MECOM: variants seen among roughly 807,000 people sequenced by gnomAD.
The protein encoded by MECOM is MDS1 and EVI1 complex locus, also known as histone-lysine N-methyltransferase MECOM.
A neutral mutation model predicts 116.3 loss-of-function variants in MECOM; 13 were observed. The observed-to-expected ratio is 0.11, with a 90% CI of 0.07 to 0.18. The LOEUF (loss-of-function observed/expected upper bound fraction) is 0.18, where lower values mean the gene tolerates loss of function less well. MECOM is among the 10% of genes least tolerant of loss of function. The pLI, the probability that MECOM is intolerant of heterozygous loss-of-function variation, is 1.00. For synonymous variants in MECOM, 528 were observed against 535.2 expected, an observed-to-expected ratio of 0.99 and a Z score of 0.19; for missense variants, 1,299 against 1,509.0, an observed-to-expected ratio of 0.86 and a Z score of 2.31.
chr3:169,591,519 C>G (rs907632275), intron 1 of MECOM, among the ~76,000 whole-genome samples: 1 of 152,114 alleles, frequency 6.6e-6, no homozygotes, highest in African/African-American at 2.4e-5. Context: ...TGGTTTTTTG[C>G]TCCATGTTAC....
chr3:169,526,073 A>G (rs1757937083), intron 1 of MECOM, among the ~76,000 whole-genome samples: 1 of 152,176 alleles, frequency 6.6e-6, no homozygotes. Flanking sequence ...ATAGCAGTAA[A>G]GTTTTCTCAC....
chr3:169,294,076 A>G (rs145878515), intron 2 of MECOM, among the ~76,000 whole-genome samples: 5 of 152,306 alleles, frequency 3.3e-5, no homozygotes, highest in Non-Finnish European at 5.9e-5. Flanking sequence ...GAACAACTAT[A>G]TGATTTAAGA....
intron 1 of MECOM, among the ~76,000 whole-genome samples, chr3:169,460,012 G>T (rs1314214081): frequency 6.6e-6 from 1 of 152,102 alleles, no homozygotes; most frequent in African/African-American, 2.4e-5. Flanking sequence ...TGGTAAAGAA[G>T]TAAGAGCCCA....
intron 1 of MECOM, among the ~76,000 whole-genome samples, chr3:169,509,216 G>A (rs893866936): frequency 2.6e-5 from 4 of 152,198 alleles, no homozygotes; most frequent in Non-Finnish European, 5.9e-5. Context: ...AGCTCCTGGT[G>A]TGACCCTGGA....
chr3:169,392,483 T>G (rs1734368975), intron 1 of MECOM, among the ~76,000 whole-genome samples: 1 of 152,180 alleles, frequency 6.6e-6, no homozygotes. Context: ...CAGACTTGAA[T>G]TCATTTACCC....
intron 1 of MECOM, among the ~76,000 whole-genome samples, chr3:169,590,660 T>C (rs773874909): frequency 6.6e-6 from 1 of 152,218 alleles, no homozygotes; most frequent in African/African-American, 2.4e-5. Context: ...AAATCAACAG[T>C]GTGATTCTCA....
At chr3:169,421,583 T>G (rs1739742098) in intron 1 of MECOM, among the ~76,000 whole-genome samples, 1 of 152,126 alleles carries the variant, frequency 6.6e-6, no homozygotes, top group Admixed American at 6.6e-5. Context: ...TCTTTCTTCC[T>G]GCCTCCTTAC....
intron 5 of MECOM, among the ~76,000 whole-genome samples, chr3:169,127,500 G>A (rs987833064): frequency 2.6e-5 from 4 of 152,074 alleles, no homozygotes; most frequent in Admixed American, 2.0e-4. Flanking sequence ...GTTCCTAGGG[G>A]TAGCTTTATT....
At chr3:169,169,296 T>C (rs1349719055) in intron 2 of MECOM, among the ~76,000 whole-genome samples, 2 of 152,196 alleles carry the variant, frequency 1.3e-5, no homozygotes, top group Non-Finnish European at 2.9e-5. Flanking sequence ...TCAGTAATAC[T>C]AAGTAGAAGA....
At chr3:169,194,637 G>C in intron 2 of MECOM, among the ~76,000 whole-genome samples, 1 of 151,930 alleles carries the variant, frequency 6.6e-6, no homozygotes, top group East Asian at 1.9e-4. Context: ...AGCCATATTT[G>C]TTTGTGTATT....
At chr3:169,177,505 G>A (rs1308454904) in intron 2 of MECOM, among the ~76,000 whole-genome samples, 1 of 151,966 alleles carries the variant, frequency 6.6e-6, no homozygotes, top group Non-Finnish European at 1.5e-5. Context: ...TAGAGGACAG[G>A]TCAATAGGTG....
At chr3:169,544,837 A>G (rs1347012425) in intron 1 of MECOM, among the ~76,000 whole-genome samples, 2 of 152,172 alleles carry the variant, frequency 1.3e-5, no homozygotes, top group African/African-American at 4.8e-5. Context: ...ACATGGACAC[A>G]GGGAGGGGAA....
At chr3:169,195,327 C>T (rs536732880) in intron 2 of MECOM, among the ~76,000 whole-genome samples, 12 of 152,076 alleles carry the variant, frequency 7.9e-5, no homozygotes, top group East Asian at 3.9e-4. Flanking sequence ...GGCCAGTGAC[C>T]GTCATATTGA....
chr3:169,106,768 C>A (rs1291805661), intron 10 of MECOM, among the ~76,000 whole-genome samples: 1 of 152,020 alleles, frequency 6.6e-6, no homozygotes, highest in Admixed American at 6.6e-5. Context: ...AAGATGAGGA[C>A]CGTGAGGCAC....
At chr3:169,497,348 C>CT (rs796548693) in intron 1 of MECOM, among the ~76,000 whole-genome samples, 22 of 137,964 alleles carry the variant, frequency 1.6e-4, no homozygotes, top group African/African-American at 3.9e-4. Flanking sequence ...TTTTCTTTTT[C>CT]TTTTTTTTTT....
At chr3:169,125,095 A>G (rs1732383474) in intron 5 of MECOM, among the ~76,000 whole-genome samples, 1 of 152,180 alleles carries the variant, frequency 6.6e-6, no homozygotes, top group Admixed American at 6.6e-5. Context: ...TGCCCCATGA[A>G]TCAATTGAGT....
chr3:169,416,094 A>T (rs1363667529), intron 1 of MECOM, among the ~76,000 whole-genome samples: 3 of 152,200 alleles, frequency 2.0e-5, no homozygotes, highest in Non-Finnish European at 4.4e-5. Flanking sequence ...AACACATAGC[A>T]CTTATTCTAA....
chr3:169,317,911 G>A (rs1720052585), intron 2 of MECOM, among the ~76,000 whole-genome samples: 1 of 152,106 alleles, frequency 6.6e-6, no homozygotes, highest in Admixed American at 6.5e-5. Context: ...GCATGGTACT[G>A]GTACCAAAAC....
At chr3:169,174,478 A>T (rs1744869143) in intron 2 of MECOM, among the ~76,000 whole-genome samples, 2 of 152,208 alleles carry the variant, frequency 1.3e-5, no homozygotes, top group South Asian at 4.1e-4. Flanking sequence ...AAAGAATGTG[A>T]TGCAAGAAAA....
Sources: allele counts gnomAD v4.1 joint callset (sites outside exome capture counted in the v4.1 genomes callset), GRCh38; gene constraint gnomAD v4.1.1; transcripts MANE v1.5; gene names NCBI Gene and HGNC (gene_info 2026-07-23, HGNC 2026-07-21).